The following TMEM132C variants were observed in gnomAD, a reference collection of about 807,000 sequenced individuals.
TMEM132C encodes protein phosphatase 1, regulatory subunit 152.
TMEM132C carries 29 observed loss-of-function variants against 61.4 expected under a neutral mutation model. The observed-to-expected ratio is 0.47, with a 90% CI of 0.35 to 0.64. TMEM132C has a LOEUF of 0.64. Among genes scored for constraint, TMEM132C ranks in the 30% least tolerant of loss-of-function variants. TMEM132C has a pLI of 0.00. For missense variants in TMEM132C, 1,408 were observed against 1,476.9 expected, an observed-to-expected ratio of 0.95 and a Z score of 0.76; for synonymous variants, 656 against 633.1, an observed-to-expected ratio of 1.04 and a Z score of -0.54.
intron 1 of TMEM132C, among the ~76,000 whole-genome samples, chr12:128,329,162 A>G (rs1872605877): frequency 6.6e-6 from 1 of 152,130 alleles, no homozygotes; most frequent in East Asian, 1.9e-4. Context: ...AAGCATTTCT[A>G]TTTGTTTCAT....
At chr12:128,509,253 T>TC (rs1292116977) in intron 2 of TMEM132C, among the ~76,000 whole-genome samples, 1 of 152,120 alleles carries the variant, frequency 6.6e-6, no homozygotes, top group Non-Finnish European at 1.5e-5. Flanking sequence ...CCTGTGCTTT[T>TC]CCCAAAGCGG....
At chr12:128,424,808 A>AT (rs1340046638) in intron 2 of TMEM132C, among the ~76,000 whole-genome samples, 1 of 152,158 alleles carries the variant, frequency 6.6e-6, no homozygotes, top group African/African-American at 2.4e-5. Context: ...CATTGAGCCA[A>AT]TTTTCAAAAA....
Position 128,278,712 on chromosome 12 carries a change from G to GTTC in TMEM132C, c.85+11226_85+11228dup, listed in dbSNP as rs1402317198. The stretch of plus-strand genomic sequence containing the variant: ...TTTGTCTTAACTTGTGTGGGCCACG[G>GTTC]TTCCCAGATATTTGTGCAGACTTGA... On this transcript the variant is annotated intron_variant, in intron 1 of 8. Transcript: ENST00000435159. This position sits in a 1 kb window ranked among gnomAD's most constrained non-coding sequence, Gnocchi z 4.2. Among the ~76,000 whole-genome samples, 1 of 151,638 alleles carries GTTC rather than the reference G, an allele frequency of 6.6e-6. No individual in the cohort carries two copies. Among genetic ancestry groups the GTTC allele is most frequent in the Non-Finnish European group, 1.5e-5 (1 of 67,946 alleles).
chr12:128,535,018 A>G lies in TMEM132C; in HGVS notation c.975-8939A>G, dbSNP rs1474700742. ...ATTGCAAGAGGCATTTATTTCCAGC[A>G]GTAGAAGTAGAAGGTGTCCATGCTA... On this transcript the variant is annotated intron_variant, in intron 2 of 8. Transcript: ENST00000435159. 2.0e-5 allele frequency among the ~76,000 whole-genome samples: 3 copies of G among 152,250 alleles called. No homozygotes were observed. The East Asian group carries it at 5.8e-4, about 29-fold the overall frequency.
intron 2 of TMEM132C, among the ~76,000 whole-genome samples, chr12:128,490,179 C>T (rs1398801056): frequency 6.6e-6 from 1 of 152,192 alleles, no homozygotes; most frequent in Non-Finnish European, 1.5e-5. Flanking sequence ...CACTCAGTTC[C>T]CTTCACCGAG....
chr12:128,532,597 G>A (rs527684660), intron 2 of TMEM132C, among the ~76,000 whole-genome samples: 15 of 98,278 alleles, frequency 1.5e-4, no homozygotes, highest in African/African-American at 8.9e-4. Context: ...CTGAGATCGC[G>A]CCATTTGCAC....
intron 3 of TMEM132C, among the ~76,000 whole-genome samples, chr12:128,606,974 G>A (rs1329042786): frequency 6.6e-6 from 1 of 152,148 alleles, no homozygotes; most frequent in Non-Finnish European, 1.5e-5. Flanking sequence ...GATAAGAGGA[G>A]GTGGAAGAAG....
intron 2 of TMEM132C, among the ~76,000 whole-genome samples, chr12:128,475,153 A>G (rs1871114886): frequency 6.6e-6 from 1 of 152,120 alleles, no homozygotes; most frequent in South Asian, 2.1e-4. Context: ...TGCAAGCACC[A>G]CTAGCAGGTG....
intron 4 of TMEM132C, among the ~76,000 whole-genome samples, chr12:128,660,580 T>A (rs1954377594): frequency 6.6e-6 from 1 of 152,186 alleles, no homozygotes; most frequent in Non-Finnish European, 1.5e-5. Context: ...CCACTTGTTG[T>A]TTGTGGTTCC....
At chr12:128,414,574 T>C (rs1413415686) in intron 1 of TMEM132C, among the ~76,000 whole-genome samples, 158 bp from the exon 2 acceptor site, 1 of 152,254 alleles carries the variant, frequency 6.6e-6, no homozygotes, top group East Asian at 1.9e-4. Context: ...TAGAATCGTT[T>C]AATGACTTAT....
chr12:128,655,727 C>T (rs1954319759), intron 4 of TMEM132C, among the ~76,000 whole-genome samples: 1 of 152,152 alleles, frequency 6.6e-6, no homozygotes, highest in Non-Finnish European at 1.5e-5. Flanking sequence ...ATTACCACCA[C>T]TCCCTGCCAT....
At chr12:128,597,032 C>T (rs545070263) in intron 3 of TMEM132C, among the ~76,000 whole-genome samples, 2 of 152,152 alleles carry the variant, frequency 1.3e-5, no homozygotes, top group Non-Finnish European at 2.9e-5. Flanking sequence ...AACAGTGCCC[C>T]CCTAGAAGTG....
At chr12:128,657,075 CTCTT>C (rs1486808557) in intron 4 of TMEM132C, among the ~76,000 whole-genome samples, 3 of 152,164 alleles carry the variant, frequency 2.0e-5, no homozygotes, top group Non-Finnish European at 1.5e-5. Flanking sequence ...CTCCTCCTCT[CTCTT>C]TACCTCCCAA....
At chr12:128,350,662 G>A (rs1174611548) in intron 1 of TMEM132C, among the ~76,000 whole-genome samples, 2 of 152,012 alleles carry the variant, frequency 1.3e-5, no homozygotes, top group Non-Finnish European at 2.9e-5. Context: ...TGTGGTCCAG[G>A]CAGGCCACAT....
chr12:128,625,002 G>A lies in TMEM132C; in HGVS notation c.1305+8667G>A, dbSNP rs537710170. ...GTCCCGAGAGAAACTAGCAAGGGAG[G>A]GGGGTGACCCTATGCTTGTGCCAAT... is the stretch of plus-strand genomic sequence containing the variant. On this transcript the variant is annotated intron_variant, in intron 4 of 8. Coordinates refer to ENST00000435159, the MANE Select transcript of TMEM132C (RefSeq NM_001136103.3). Among the ~76,000 whole-genome samples, 3 of 152,246 alleles carry A rather than the reference G, an allele frequency of 2.0e-5. No homozygotes were observed. The East Asian group carries it at 5.8e-4, about 29-fold the overall frequency.
At position 128,707,837 on chromosome 12, in the gene TMEM132C, T is replaced by C. The variant is rs972228673; in HGVS notation, c.*1542T>C. 1 of 152,160 alleles carries C rather than the reference T, an allele frequency of 6.6e-6. No individual in the cohort carries two copies. The highest frequency in any genetic ancestry group is 1.5e-5 in the Non-Finnish European group (1 of 68,030). 9.4% of individuals were successfully genotyped at this position (152,160 alleles called of 1,614,324 possible). On this transcript the variant is annotated 3_prime_UTR_variant, in exon 9 of 9. Coordinates refer to ENST00000435159, the MANE Select transcript of TMEM132C (RefSeq NM_001136103.3). ...AAAAATATATTTGTAGCACATATTA[T>C]AGATGGAAAGAAGAAGATATTTATT...
At chr12:128,610,016 T>G (rs1415560216) in intron 3 of TMEM132C, among the ~76,000 whole-genome samples, 5 of 152,246 alleles carry the variant, frequency 3.3e-5, no homozygotes, top group Non-Finnish European at 7.3e-5. Flanking sequence ...TTTCTGTTGC[T>G]TGCAACTTGT....
intron 1 of TMEM132C, among the ~76,000 whole-genome samples, chr12:128,381,526 G>A (rs1874396326): frequency 6.6e-6 from 1 of 152,164 alleles, no homozygotes; most frequent in Non-Finnish European, 1.5e-5. Context: ...CTTTTGAAAG[G>A]GCTTAATAAT....
At chr12:128,665,158 C>T (rs1477114218) in intron 4 of TMEM132C, among the ~76,000 whole-genome samples, 1 of 151,450 alleles carries the variant, frequency 6.6e-6, no homozygotes, top group Non-Finnish European at 1.5e-5. Context: ...CACACACTCA[C>T]ACATACACAA....
Sources: gnomAD v4.1 joint callset for allele counts (sites outside exome capture counted in the v4.1 genomes callset) on GRCh38, gnomAD v4.1.1 for gene constraint, Gnocchi (gnomAD v3.1) non-coding constraint, MANE v1.5 for transcripts, NCBI Gene and HGNC (gene_info 2026-07-23, HGNC 2026-07-21) for gene names.